Variants in DLG2 observed in about 807,000 individuals in gnomAD.
DLG2 encodes the protein discs large MAGUK scaffold protein 2.
DLG2 carries 45 observed loss-of-function variants against 132.5 expected under a neutral mutation model. The observed-to-expected ratio is 0.34, with a 90% confidence interval of 0.27 to 0.44. The LOEUF is 0.44. Ranked by LOEUF, DLG2 falls within the 20% of genes least tolerant of loss-of-function variation. The pLI is 1.00. For synonymous variants in DLG2, 424 were observed against 419.6 expected (o/e 1.01, Z -0.13); for missense variants, 1,045 against 1,196.9 (o/e 0.87, Z 1.87).
At chr11:84,799,499 T>C (rs914727498) in intron 6 of DLG2, among the ~76,000 whole-genome samples, 6 of 152,230 alleles carry the variant, frequency 3.9e-5, no homozygotes, top group African/African-American at 1.4e-4. Context: ...TCACCTGATT[T>C]TTTATTCTTA....
chr11:84,928,150 A>G (rs925511999), intron 6 of DLG2, among the ~76,000 whole-genome samples: 4 of 151,984 alleles, frequency 2.6e-5, no homozygotes, highest in South Asian at 2.1e-4. Flanking sequence ...ATAATTTTAG[A>G]GTGGAGGCTA....
chr11:85,551,059 T>C (rs920217318), intron 3 of DLG2, among the ~76,000 whole-genome samples: 1 of 152,222 alleles, frequency 6.6e-6, no homozygotes, highest in African/African-American at 2.4e-5. Context: ...CCTGACACCA[T>C]TATCAAAATA....
chr11:84,470,839 T>C (rs74928548), intron 7 of DLG2, among the ~76,000 whole-genome samples: 11,212 of 151,892 alleles, frequency 0.074, 536 homozygotes, highest in South Asian at 0.11. Flanking sequence ...TATTTTATTC[T>C]GTAAGTACTG....
intron 6 of DLG2, among the ~76,000 whole-genome samples, chr11:84,731,088 T>C (rs576374653): frequency 1.5e-4 from 23 of 152,184 alleles, no homozygotes; most frequent in African/African-American, 4.6e-4. Flanking sequence ...TGTGAGTTAG[T>C]TGTATTACAT....
chr11:85,004,003 A>G (rs1181333060), intron 6 of DLG2, among the ~76,000 whole-genome samples: 3 of 152,088 alleles, frequency 2.0e-5, no homozygotes. Flanking sequence ...AGTTTGCTGA[A>G]AATGATGGTT....
chr11:85,343,961 G>A (rs2082669449), intron 3 of DLG2, among the ~76,000 whole-genome samples: 1 of 152,040 alleles, frequency 6.6e-6, no homozygotes, highest in Non-Finnish European at 1.5e-5. Context: ...CTCAATCACA[G>A]ATTTGAAAAA....
chr11:84,467,146 CTG>C (rs1412926516), intron 7 of DLG2, among the ~76,000 whole-genome samples: 1 of 151,248 alleles, frequency 6.6e-6, no homozygotes, highest in African/African-American at 2.4e-5. Flanking sequence ...ATGGCTGACT[CTG>C]TATCTTGGGC....
intron 5 of DLG2, among the ~76,000 whole-genome samples, chr11:85,145,549 T>A: frequency 6.6e-6 from 1 of 152,076 alleles, no homozygotes; most frequent in East Asian, 1.9e-4. Context: ...TGGCTGTTTT[T>A]TATACAGCCT....
At chr11:83,533,032 G>A (rs947746663) in intron 20 of DLG2, among the ~76,000 whole-genome samples, 8 of 120,788 alleles carry the variant, frequency 6.6e-5, no homozygotes, top group Non-Finnish European at 5.6e-5. Context: ...CAACAGAGAG[G>A]TAGAAAAAAA....
At chr11:84,314,028 A>G (rs1009254414) in intron 7 of DLG2, among the ~76,000 whole-genome samples, 1 of 152,236 alleles carries the variant, frequency 6.6e-6, no homozygotes, top group Non-Finnish European at 1.5e-5. Flanking sequence ...TCCTGTTAGT[A>G]CACAGTACCC....
chr11:83,838,608 G>A, intron 16 of DLG2, among the ~76,000 whole-genome samples: 1 of 152,150 alleles, frequency 6.6e-6, no homozygotes, highest in East Asian at 1.9e-4. Flanking sequence ...TTAAAATTAG[G>A]AAAATTTGCA....
intron 9 of DLG2, among the ~76,000 whole-genome samples, chr11:84,132,486 G>A (rs1595871586): frequency 6.6e-6 from 1 of 151,878 alleles, no homozygotes; most frequent in Non-Finnish European, 1.5e-5. Flanking sequence ...TTAAAGAAAT[G>A]AGCACAAAGA....
chr11:85,125,018 T>G (rs1054701256), intron 5 of DLG2, among the ~76,000 whole-genome samples: 4 of 152,030 alleles, frequency 2.6e-5, no homozygotes, highest in Admixed American at 6.6e-5. Flanking sequence ...TTTTAGTAGA[T>G]ACGGGGTTTC....
rs35141583 is a variant in DLG2, at chr11:85,377,803, A to ATATGTGTG, written c.41-92439_41-92438insCACACATA. Among the ~76,000 whole-genome samples the ATATGTGTG allele has an allele frequency of 9.5e-4, 125 of 131,302 alleles. 1 individual carries two copies. The highest frequency in any genetic ancestry group is 7.8e-3 in the Middle Eastern group (2 of 256). 86.1% of individuals were successfully genotyped at this position (131,302 alleles called of 152,430 possible). On this transcript the variant is annotated intron_variant, in intron 3 of 27. Coordinates refer to ENST00000376104, the MANE Select transcript of DLG2 (RefSeq NM_001142699.3). The stretch of plus-strand genomic sequence containing the variant: ...TGTATACATATATATATATATATAT[A>ATATGTGTG]TGTGTGTGTGTGTGTGTGTGTATAC...
chr11:85,581,763 C>A (rs993299211), intron 3 of DLG2, among the ~76,000 whole-genome samples: 10 of 152,058 alleles, frequency 6.6e-5, no homozygotes, highest in Admixed American at 5.9e-4. Flanking sequence ...AAAGGGAAGG[C>A]AGAGTATATG....
chr11:84,060,981 A>T (rs2096582693), intron 10 of DLG2, among the ~76,000 whole-genome samples: 1 of 152,096 alleles, frequency 6.6e-6, no homozygotes, highest in African/African-American at 2.4e-5. Context: ...TTACCTTTCA[A>T]TCCATTCACT....
chr11:83,970,814 G>A (rs186397771), intron 12 of DLG2, among the ~76,000 whole-genome samples: 20 of 152,056 alleles, frequency 1.3e-4, no homozygotes, highest in African/African-American at 2.9e-4. Flanking sequence ...GAAAATTTTC[G>A]CTGATCATTT....
chr11:84,441,549 C>T (rs1218115805), intron 7 of DLG2, among the ~76,000 whole-genome samples: 1 of 152,100 alleles, frequency 6.6e-6, no homozygotes, highest in Non-Finnish European at 1.5e-5. Flanking sequence ...TCTATACAAA[C>T]TAGTAGAAAG....
intron 6 of DLG2, among the ~76,000 whole-genome samples, chr11:84,942,956 CTTATCA>C (rs2049657302): frequency 6.6e-6 from 1 of 152,130 alleles, no homozygotes; most frequent in African/African-American, 2.4e-5. Flanking sequence ...GACTTGACCC[CTTATCA>C]TTATATAATG....
Sources: gnomAD v4.1 joint callset for allele counts (sites outside exome capture counted in the v4.1 genomes callset) on GRCh38, gnomAD v4.1.1 for gene constraint, MANE v1.5 for transcripts, NCBI Gene and HGNC (gene_info 2026-07-23, HGNC 2026-07-21) for gene names.